ARIH1: variants seen among roughly 807,000 people sequenced by gnomAD.
The protein encoded by ARIH1 is E3 ubiquitin-protein ligase ARIH1.
ARIH1 carries 8 observed loss-of-function variants against 85.0 expected under a neutral mutation model. The ratio of observed to expected loss-of-function variants is 0.09; its 90% confidence interval spans 0.06 to 0.17. The LOEUF (loss-of-function observed/expected upper bound fraction) is 0.17. ARIH1 is among the 10% of genes least tolerant of loss of function. ARIH1 has a pLI of 1.00. For missense variants in ARIH1, 311 were observed against 718.1 expected, an observed-to-expected ratio of 0.43 and a Z score of 6.48; for synonymous variants, 238 against 253.6, an observed-to-expected ratio of 0.94 and a Z score of 0.59.
At position 72,520,343 on chromosome 15, in the gene ARIH1, A is replaced by G. The variant is rs1595859757; in HGVS notation, c.443+2209A>G. Among the ~76,000 whole-genome samples the G allele has an allele frequency of 2.0e-5, 3 of 150,624 alleles. No homozygotes were observed. The South Asian group carries it at 6.2e-4, about 31-fold the overall frequency. On this transcript the variant is annotated intron_variant, in intron 2 of 13. Transcript: ENST00000379887. ...ATTATATTTTATGTTGTCTGCTATT[A>G]GCACTGCCACACTTTTTTTTTTTTT...
At chr15:72,487,539 A>G (rs964315480) in intron 1 of ARIH1, among the ~76,000 whole-genome samples, 2 of 152,150 alleles carry the variant, frequency 1.3e-5, no homozygotes, top group Admixed American at 6.5e-5. Flanking sequence ...TTGAAACTCA[A>G]ATTTAATACC....
chr15:72,497,284 T>G (rs2140399444), intron 1 of ARIH1, among the ~76,000 whole-genome samples: 1 of 152,154 alleles, frequency 6.6e-6, no homozygotes, highest in East Asian at 1.9e-4. Flanking sequence ...TAATGTTTAT[T>G]TATATTCCTG....
chr15:72,548,907 C>T (rs752074768), intron 3 of ARIH1, among the ~76,000 whole-genome samples: 1 of 152,060 alleles, frequency 6.6e-6, no homozygotes, highest in African/African-American at 2.4e-5. Flanking sequence ...AGTTTACAAC[C>T]CTTTGGAGTT....
intron 1 of ARIH1, among the ~76,000 whole-genome samples, chr15:72,478,977 A>G (rs1340151532): frequency 3.3e-5 from 5 of 152,254 alleles, no homozygotes; most frequent in Middle Eastern, 3.4e-3. Flanking sequence ...AGCTAGGACT[A>G]TAGGTGTGTG....
chr15:72,570,296 T>C lies in ARIH1; in HGVS notation c.1146T>C (p.His382=). 1.2e-6 allele frequency: 2 copies of C among 1,614,050 alleles called. No homozygotes were observed. Among genetic ancestry groups the C allele is most frequent in the South Asian group, 1.1e-5 (1 of 91,084 alleles). ...CWVCLGPWEP[H]GSAWYNCNRY... is the part of the protein sequence containing the mutation. ...TGTGTCTTGGCCCATGGGAACCACA[T>C]GGATCTGCCTGGTAGGTTGGGGAAA... is the stretch of plus-strand genomic sequence containing the variant. Residue 382 remains histidine, a synonymous_variant, in exon 10 of 14, where the codon CAT becomes CAC. Coordinates refer to ENST00000379887, the MANE Select transcript of ARIH1 (RefSeq NM_005744.5).
At chr15:72,491,193 T>G (rs541951835) in intron 1 of ARIH1, among the ~76,000 whole-genome samples, 1 of 152,334 alleles carries the variant, frequency 6.6e-6, no homozygotes, top group East Asian at 1.9e-4. Context: ...CCTATCTACC[T>G]TAGCTGCCAT....
At chr15:72,486,366 A>G (rs1221724708) in intron 1 of ARIH1, among the ~76,000 whole-genome samples, 2 of 152,212 alleles carry the variant, frequency 1.3e-5, no homozygotes, top group Non-Finnish European at 2.9e-5. Context: ...ATATAGCAGT[A>G]TATAGACTAC....
intron 3 of ARIH1, among the ~76,000 whole-genome samples, chr15:72,554,834 A>G (rs918371737): frequency 1.3e-5 from 2 of 151,574 alleles, no homozygotes; most frequent in Admixed American, 6.6e-5. Flanking sequence ...GCTCACTACA[A>G]CCTCCGCCTC....
chr15:72,508,555 T>A (rs1434183891), intron 1 of ARIH1, among the ~76,000 whole-genome samples: 1 of 152,222 alleles, frequency 6.6e-6, no homozygotes, highest in Non-Finnish European at 1.5e-5. Context: ...GTAAATCATA[T>A]CTAACTTGCA....
rs1212502730 is a variant in ARIH1, at chr15:72,601,313, C to G, written c.*18021C>G. 1 of 152,206 alleles carries G rather than the reference C, an allele frequency of 6.6e-6. No individual in the cohort carries two copies. Among genetic ancestry groups the G allele is most frequent in the Non-Finnish European group, 1.5e-5 (1 of 68,050 alleles). The allele number at this position is 152,206 out of a possible 1,614,324, so 9.4% of individuals were successfully genotyped here. ...AAGTGTTCATTCTGACCATGCCATT[C>G]CTTGCTCAAAATTCTCTAGTGCCTT... On this transcript the variant is annotated 3_prime_UTR_variant, in exon 14 of 14. Coordinates refer to ENST00000379887, the MANE Select transcript of ARIH1 (RefSeq NM_005744.5).
At chr15:72,529,997 AAATG>A (rs1162597866) in intron 2 of ARIH1, among the ~76,000 whole-genome samples, 4 of 152,336 alleles carry the variant, frequency 2.6e-5, no homozygotes, top group African/African-American at 9.6e-5. Context: ...ATCTAGTAAT[AAATG>A]AGCTGTTTTA....
intron 5 of ARIH1, among the ~76,000 whole-genome samples, chr15:72,558,071 T>G (rs2064182444): frequency 6.6e-6 from 1 of 152,188 alleles, no homozygotes; most frequent in African/African-American, 2.4e-5. Context: ...GGACTTCCAG[T>G]ACTATGTTGA....
chr15:72,496,129 C>T (rs1367944222), intron 1 of ARIH1, among the ~76,000 whole-genome samples: 2 of 152,072 alleles, frequency 1.3e-5, no homozygotes, highest in Non-Finnish European at 2.9e-5. Flanking sequence ...GTCTCAAACT[C>T]CTGGCTTCAG....
chr15:72,581,503 A>G (rs2064295033), intron 12 of ARIH1: 1 of 157,404 alleles, frequency 6.4e-6, no homozygotes, highest in South Asian at 1.9e-4. Context: ...AATGACTAAA[A>G]AGCCAGCTTT....
At position 72,582,788 on chromosome 15, in the gene ARIH1, C is replaced by T. The variant is rs2064299975; in HGVS notation, c.1590-420C>T. Among the ~76,000 whole-genome samples the T allele has an allele frequency of 6.6e-6, 1 of 152,112 alleles. No individual in the cohort carries two copies. Among genetic ancestry groups the T allele is most frequent in the African/African-American group, 2.4e-5 (1 of 41,420 alleles). The stretch of plus-strand genomic sequence containing the variant: ...GGAAGACTTGGAGATTTAGTCCTAA[C>T]CAATATCTTCCCTTCCCTTAGCCAA... On this transcript the variant is annotated intron_variant, in intron 13 of 13. Coordinates refer to ENST00000379887, the MANE Select transcript of ARIH1 (RefSeq NM_005744.5). The surrounding 1 kb of genome is among the most constrained non-coding windows in gnomAD (Gnocchi z 4.6).
chr15:72,518,571 C>T lies in ARIH1; in HGVS notation c.443+437C>T, dbSNP rs1373697650. On this transcript the variant is annotated intron_variant, in intron 2 of 13. Transcript: ENST00000379887. ...TTGGGAGGCTGAGGCAGGTGGAACA[C>T]GAGGTCAGGAGATTGAGACCACCCT... is the stretch of plus-strand genomic sequence containing the variant. Among the ~76,000 whole-genome samples, 19 of 152,170 alleles carry T rather than the reference C, an allele frequency of 1.2e-4. 1 individual carries two copies. In the East Asian group the frequency reaches 3.3e-3, roughly 26 times the overall value.
At chr15:72,556,740 CA>C (rs763945356) in intron 5 of ARIH1, among the ~76,000 whole-genome samples, 5 of 152,192 alleles carry the variant, frequency 3.3e-5, no homozygotes, top group Non-Finnish European at 5.9e-5. Context: ...TAGTAGTCCC[CA>C]GTCTAAATAG....
In ARIH1 at chr15:72,516,150, CCT is replaced by C. The variant is rs2063974134; in HGVS notation, c.376-1914_376-1913del. On this transcript the variant is annotated intron_variant, in intron 1 of 13. Coordinates refer to ENST00000379887, the MANE Select transcript of ARIH1 (RefSeq NM_005744.5). The stretch of plus-strand genomic sequence containing the variant: ...AGCAACATCAAGTTATACTCCCTCC[CCT>C]CTGTTTTTTCCCTTTTTGCAAGTTG... Among the ~76,000 whole-genome samples, 3 of 152,154 alleles carry C rather than the reference CCT, an allele frequency of 2.0e-5. 1 individual carries two copies. The South Asian group carries it at 6.2e-4, about 32-fold the overall frequency.
At chr15:72,569,057 C>T (rs973314533) in intron 9 of ARIH1, among the ~76,000 whole-genome samples, 5 of 152,134 alleles carry the variant, frequency 3.3e-5, no homozygotes, top group African/African-American at 1.2e-4. Context: ...ACCTGTAATC[C>T]TAACACTTTG....
Sources: gnomAD v4.1 joint callset for allele counts (sites outside exome capture counted in the v4.1 genomes callset) on GRCh38, gnomAD v4.1.1 for gene constraint, Gnocchi (gnomAD v3.1) non-coding constraint, MANE v1.5 for transcripts, NCBI Gene and HGNC (gene_info 2026-07-23, HGNC 2026-07-21) for gene names.